The following SLC8A1 variants were observed in gnomAD, a reference collection of about 807,000 sequenced individuals.
SLC8A1 encodes sodium/calcium exchanger 1.
SLC8A1 carries 18 observed loss-of-function variants against 68.3 expected under a neutral mutation model. The observed-to-expected ratio is 0.26, with a 90% CI of 0.18 to 0.39. The LOEUF is 0.39. SLC8A1 is among the 10% of genes least tolerant of loss of function. The probability of loss-of-function intolerance (pLI) is 1.00; values close to 1 mark genes in which losing one functional copy is unlikely to be tolerated. For synonymous variants in SLC8A1, 475 were observed against 415.5 expected (o/e 1.14, Z -1.74); for missense variants, 985 against 1,156.7 (o/e 0.85, Z 2.15).
intron 2 of SLC8A1, among the ~76,000 whole-genome samples, chr2:40,311,750 C>G (rs1007977021): frequency 2.6e-5 from 4 of 151,820 alleles, no homozygotes; most frequent in African/African-American, 9.7e-5. Context: ...ACATGGATTA[C>G]TTGCATAATT....
intron 6 of SLC8A1, among the ~76,000 whole-genome samples, chr2:40,156,400 A>G (rs1415872778): frequency 7.2e-6 from 1 of 139,522 alleles, no homozygotes; most frequent in East Asian, 2.2e-4. Context: ...TTCTTTCGTT[A>G]TAAAGATGCC....
intron 1 of SLC8A1, among the ~76,000 whole-genome samples, chr2:40,493,800 G>C (rs559171149): frequency 6.6e-6 from 1 of 151,822 alleles, no homozygotes; most frequent in African/African-American, 2.4e-5. Context: ...GATTAGAGGC[G>C]TGTGCCACCA....
At chr2:40,256,531 C>A (rs2063948971) in intron 2 of SLC8A1, among the ~76,000 whole-genome samples, 1 of 152,190 alleles carries the variant, frequency 6.6e-6, no homozygotes, top group East Asian at 1.9e-4. Flanking sequence ...AAGTGTTCTA[C>A]TGGACGCATT....
At chr2:40,467,083 T>A (rs1290246627) in intron 1 of SLC8A1, among the ~76,000 whole-genome samples, 1 of 151,878 alleles carries the variant, frequency 6.6e-6, no homozygotes, top group Non-Finnish European at 1.5e-5. Flanking sequence ...GGACAGTTAA[T>A]TAAAGCCTCT....
chr2:40,150,192 A>G (rs2043164028), intron 6 of SLC8A1, among the ~76,000 whole-genome samples: 1 of 152,174 alleles, frequency 6.6e-6, no homozygotes, highest in Non-Finnish European at 1.5e-5. Flanking sequence ...AGGCAAGGCA[A>G]GGGAGAAGCA....
intron 2 of SLC8A1, among the ~76,000 whole-genome samples, chr2:40,316,224 G>A (rs2074429163): frequency 6.6e-6 from 1 of 151,966 alleles, no homozygotes; most frequent in African/African-American, 2.4e-5. Context: ...ATATCATTCT[G>A]GACTCAACTG....
intron 2 of SLC8A1, among the ~76,000 whole-genome samples, chr2:40,255,848 T>C (rs559755029): frequency 3.9e-5 from 6 of 152,270 alleles, no homozygotes; most frequent in Admixed American, 1.3e-4. Context: ...GAAAATGTGA[T>C]TACCCTGAGC....
At chr2:40,386,923 C>A (rs1683750129) in intron 2 of SLC8A1, among the ~76,000 whole-genome samples, 2 of 151,304 alleles carry the variant, frequency 1.3e-5, no homozygotes, top group African/African-American at 4.9e-5. Context: ...TCTACTATAG[C>A]AGATCACTTC....
At chr2:40,150,824 C>CA in intron 6 of SLC8A1, among the ~76,000 whole-genome samples, 1 of 152,296 alleles carries the variant, frequency 6.6e-6, no homozygotes, top group East Asian at 1.9e-4. Flanking sequence ...CTCGTACTTC[C>CA]ACCTTTGTTT....
chr2:40,290,907 C>T (rs1294505044), intron 2 of SLC8A1, among the ~76,000 whole-genome samples: 4 of 152,182 alleles, frequency 2.6e-5, no homozygotes, highest in African/African-American at 7.2e-5. Context: ...ATTGGTTAAA[C>T]TCTAATGGAT....
intron 4 of SLC8A1, among the ~76,000 whole-genome samples, chr2:40,169,583 C>T (rs1211436114): frequency 6.6e-6 from 1 of 152,148 alleles, no homozygotes; most frequent in Non-Finnish European, 1.5e-5. Context: ...GCATATCTGG[C>T]TAACATCATG....
At chr2:40,423,235 C>A (rs2149756337) in intron 2 of SLC8A1, among the ~76,000 whole-genome samples, 1 of 152,132 alleles carries the variant, frequency 6.6e-6, no homozygotes, top group African/African-American at 2.4e-5. Context: ...GTCCATCTTA[C>A]AATGCACATC....
chr2:40,303,210 G>A (rs908831271), intron 2 of SLC8A1, among the ~76,000 whole-genome samples: 4 of 152,140 alleles, frequency 2.6e-5, no homozygotes, highest in Non-Finnish European at 5.9e-5. Context: ...GCCATTCTAG[G>A]TTTTGAAGTC....
intron 1 of SLC8A1, among the ~76,000 whole-genome samples, chr2:40,506,721 G>A (rs891395657): frequency 5.3e-5 from 8 of 151,684 alleles, no homozygotes; most frequent in African/African-American, 1.9e-4. Flanking sequence ...TCCCCTGCCT[G>A]TAGTAGGGCA....
At chr2:40,409,022 T>C (rs1015512577) in intron 2 of SLC8A1, among the ~76,000 whole-genome samples, 2 of 152,166 alleles carry the variant, frequency 1.3e-5, no homozygotes, top group Non-Finnish European at 1.5e-5. Context: ...CAGTAGTCAA[T>C]GATTATATGT....
intron 1 of SLC8A1, among the ~76,000 whole-genome samples, chr2:40,449,475 C>G (rs1364286905): frequency 1.3e-5 from 2 of 152,112 alleles, no homozygotes; most frequent in African/African-American, 2.4e-5. Context: ...TTTTTCAAAA[C>G]ACAGAAAGCT....
intron 2 of SLC8A1, among the ~76,000 whole-genome samples, chr2:40,331,798 G>A (rs2076441154): frequency 6.6e-6 from 1 of 151,776 alleles, no homozygotes; most frequent in Admixed American, 6.6e-5. Context: ...TTTGCCAGTT[G>A]GCCAGGCTGG....
chr2:40,248,524 G>C (rs1574670940), intron 2 of SLC8A1, among the ~76,000 whole-genome samples: 2 of 152,118 alleles, frequency 1.3e-5, no homozygotes, highest in East Asian at 3.9e-4. Flanking sequence ...CTAGACCTTG[G>C]ACTTTCTAGC....
At chr2:40,207,767 G>A (rs1652578962) in intron 2 of SLC8A1, among the ~76,000 whole-genome samples, 1 of 152,248 alleles carries the variant, frequency 6.6e-6, no homozygotes, top group Admixed American at 6.5e-5. Flanking sequence ...GCCAGGGCTA[G>A]AAAATGTGTT....
Sources: allele counts gnomAD v4.1 joint callset (sites outside exome capture counted in the v4.1 genomes callset), GRCh38; gene constraint gnomAD v4.1.1; transcripts MANE v1.5; gene names NCBI Gene and HGNC (gene_info 2026-07-23, HGNC 2026-07-21).